Variants in PLEKHM3 observed in about 807,000 individuals in gnomAD.
The protein encoded by PLEKHM3 is pleckstrin homology domain containing M3.
Under a neutral mutation model 81.8 loss-of-function variants are expected in PLEKHM3, and 45 were observed. That is an observed-to-expected ratio of 0.55 (90% CI 0.43 to 0.71). The LOEUF is 0.71. Ranked by LOEUF, PLEKHM3 falls within the 30% of genes least tolerant of loss-of-function variation. The pLI is 0.00. For synonymous variants in PLEKHM3, 352 were observed against 356.4 expected (o/e 0.99, Z 0.14); for missense variants, 788 against 924.3 (o/e 0.85, Z 1.91).
intron 1 of PLEKHM3, among the ~76,000 whole-genome samples, chr2:208,011,410 G>A (rs2106113144): frequency 6.6e-6 from 1 of 152,200 alleles, no homozygotes; most frequent in South Asian, 2.1e-4. Context: ...AGATATATAT[G>A]ATGCACTACT....
Position 207,976,118 on chromosome 2 carries a change from A to G in PLEKHM3, c.1546+533T>C, listed in dbSNP as rs1559265197. Among the ~76,000 whole-genome samples the G allele has an allele frequency of 6.6e-6, 1 of 151,750 alleles. No homozygotes were observed. Among genetic ancestry groups the G allele is most frequent in the Non-Finnish European group, 1.5e-5 (1 of 67,950 alleles). On this transcript the variant is annotated intron_variant, in intron 3 of 7. Coordinates refer to ENST00000427836, the MANE Select transcript of PLEKHM3 (RefSeq NM_001080475.3). This position sits in a 1 kb window ranked among gnomAD's most constrained non-coding sequence, Gnocchi z 4.1. ...GTGGTCATCTGCTGAATCATCATTT[A>G]CTCCGCTTTTAGCCACCCCCACATT...
intron 7 of PLEKHM3, among the ~76,000 whole-genome samples, chr2:207,834,946 T>G (rs1016997167): frequency 1.3e-5 from 2 of 151,864 alleles, no homozygotes; most frequent in African/African-American, 4.8e-5. Context: ...ACAACTTGTT[T>G]TTTTTTTTTT....
chr2:207,940,201 T>C (rs754493704), intron 4 of PLEKHM3, among the ~76,000 whole-genome samples: 1 of 152,216 alleles, frequency 6.6e-6, no homozygotes, highest in Non-Finnish European at 1.5e-5. Flanking sequence ...GACAAGCAAC[T>C]AGCTGTTATA....
At chr2:207,873,080 A>G (rs2092543365) in intron 6 of PLEKHM3, among the ~76,000 whole-genome samples, 1 of 152,222 alleles carries the variant, frequency 6.6e-6, no homozygotes. Flanking sequence ...CTGAGAGCAA[A>G]GAAGGGAAGA....
intron 7 of PLEKHM3, among the ~76,000 whole-genome samples, chr2:207,837,851 A>G (rs2092329364): frequency 7.7e-6 from 1 of 130,682 alleles, no homozygotes; most frequent in Non-Finnish European, 1.6e-5. Flanking sequence ...GCTCACTGCA[A>G]CCTCCATATC....
Position 207,827,392 on chromosome 2 carries a change from A to G in PLEKHM3, c.*927T>C, listed in dbSNP as rs556945493. 31 of 152,128 alleles carry G rather than the reference A, an allele frequency of 2.0e-4. No homozygotes were observed. The highest frequency in any genetic ancestry group is 7.5e-4 in the African/African-American group (31 of 41,522). The allele number at this position is 152,128 out of a possible 1,614,324, so 9.4% of individuals were successfully genotyped here. A position where few individuals can be genotyped will look rare whatever the true frequency, so the allele number is the denominator to read the frequency against. ...TACTTACTAGATAGCCTTATCTACCAGTCTACACGACGATGTCTTTAACAA... is the reference window on the plus strand; with the variant it reads ...TACTTACTAGATAGCCTTATCTACCGGTCTACACGACGATGTCTTTAACAA... On this transcript the variant is annotated 3_prime_UTR_variant, in exon 8 of 8. Transcript: ENST00000427836.
rs1689571830 is a variant in PLEKHM3 at position 207,930,939 on chromosome 2, C to T, written c.1873G>A (p.Asp625Asn). 4 of 1,612,998 alleles carry T rather than the reference C, an allele frequency of 2.5e-6. No homozygotes were observed. The South Asian group carries it at 4.4e-5, about 18-fold the overall frequency. ...LFSCRAAVAE[D>N]LRRRIFPREY... ...TATGACTCTTACCTGCGGCGGAGAT[C>T]CTCTGCCACCGCTGCCCGGCAGCTG... The change falls in exon 5 of 8, where the codon GAT becomes AAT. Residue 625 changes from aspartate (D) to asparagine (N), a missense_variant. Transcript: ENST00000427836.
chr2:207,913,589 T>G (rs1335305492), intron 5 of PLEKHM3, among the ~76,000 whole-genome samples: 1 of 152,036 alleles, frequency 6.6e-6, no homozygotes, highest in Non-Finnish European at 1.5e-5. Context: ...GACCTCAGAC[T>G]GGGTGGTTTC....
chr2:208,017,829 T>C (rs1013632033), intron 1 of PLEKHM3, among the ~76,000 whole-genome samples: 1 of 152,060 alleles, frequency 6.6e-6, no homozygotes, highest in Non-Finnish European at 1.5e-5. Flanking sequence ...CACACAGCAG[T>C]ATTTGACCTA....
intron 4 of PLEKHM3, among the ~76,000 whole-genome samples, chr2:207,944,177 G>A (rs192116833): frequency 1.5e-3 from 222 of 152,274 alleles, no homozygotes; most frequent in Non-Finnish European, 2.5e-3. Context: ...AATTAGAGAA[G>A]GTGATTGAAA....
intron 5 of PLEKHM3, chr2:207,929,817 T>G (rs1280710946): frequency 4.8e-6 from 3 of 629,484 alleles, no homozygotes; most frequent in Non-Finnish European, 8.6e-6. Context: ...CGGGGTTATG[T>G]CAGTTTCTTT....
rs557891605 is a variant in PLEKHM3 at position 207,831,650 on chromosome 2, C to A, written c.2109-3154G>T. ...GCAAAGGCTGCGACGCCGCCCCTCA[C>A]AGGTGACTCTAGTACCCGTCTCCTT... On this transcript the variant is annotated intron_variant, in intron 7 of 7. Transcript: ENST00000427836. 2.6e-5 allele frequency among the ~76,000 whole-genome samples: 4 copies of A among 152,334 alleles called. No homozygotes were observed. The East Asian group carries it at 7.7e-4, about 29-fold the overall frequency.
intron 4 of PLEKHM3, among the ~76,000 whole-genome samples, chr2:207,934,983 T>C (rs973228936): frequency 2.6e-5 from 4 of 152,228 alleles, no homozygotes; most frequent in East Asian, 1.9e-4. Flanking sequence ...TAACCATAGA[T>C]AGCAATTTGG....
chr2:207,877,346 T>C (rs1422569542), intron 6 of PLEKHM3, among the ~76,000 whole-genome samples: 11 of 152,164 alleles, frequency 7.2e-5, no homozygotes, highest in African/African-American at 2.4e-4. Context: ...CATGCTAGCT[T>C]CTCTGAAACA....
chr2:207,885,306 C>A (rs1312357635), intron 6 of PLEKHM3, among the ~76,000 whole-genome samples: 3 of 152,174 alleles, frequency 2.0e-5, no homozygotes, highest in Non-Finnish European at 4.4e-5. Flanking sequence ...TATATCCTGA[C>A]AAACTGCCTT....
chr2:207,831,452 C>T (rs1340108514), intron 7 of PLEKHM3, among the ~76,000 whole-genome samples: 1 of 152,176 alleles, frequency 6.6e-6, no homozygotes, highest in Non-Finnish European at 1.5e-5. Flanking sequence ...ATCAGAACAC[C>T]TGTGTCAAAC....
At chr2:207,870,163 T>C (rs1490306271) in intron 6 of PLEKHM3, among the ~76,000 whole-genome samples, 1 of 152,178 alleles carries the variant, frequency 6.6e-6, no homozygotes, top group Non-Finnish European at 1.5e-5. Context: ...TTCTTTTATG[T>C]TGGTTACCTT....
At chr2:207,937,570 TAA>T (rs771283946) in intron 4 of PLEKHM3, among the ~76,000 whole-genome samples, 28 of 128,036 alleles carry the variant, frequency 2.2e-4, no homozygotes, top group Admixed American at 6.5e-4. Flanking sequence ...ACACTGTCTC[TAA>T]AAAAAAAAAA....
intron 3 of PLEKHM3, among the ~76,000 whole-genome samples, chr2:207,950,761 G>A (rs1055705579): frequency 6.6e-6 from 1 of 152,038 alleles, no homozygotes; most frequent in Non-Finnish European, 1.5e-5. Context: ...TACCCTCTAG[G>A]CTTCAAAAAA....
Sources: allele counts gnomAD v4.1 joint callset (sites outside exome capture counted in the v4.1 genomes callset), GRCh38; gene constraint gnomAD v4.1.1; non-coding constraint Gnocchi (gnomAD v3.1); transcripts MANE v1.5; gene names NCBI Gene and HGNC (gene_info 2026-07-23, HGNC 2026-07-21).